The following GALNT17 variants were observed in gnomAD, a reference collection of about 807,000 sequenced individuals.
GALNT17 encodes the protein UDP-GalNAc:polypeptide N-acetylgalactosaminyltransferase-like 3.
Under a neutral mutation model 63.7 loss-of-function variants are expected in GALNT17, and 29 were observed. The ratio of observed to expected loss-of-function variants is 0.46; its 90% CI spans 0.34 to 0.62. The LOEUF is 0.62. Ranked by LOEUF, GALNT17 falls within the 20% of genes least tolerant of loss-of-function variation. GALNT17 has a pLI of 0.01. For missense variants in GALNT17, 603 were observed against 799.6 expected (o/e 0.75, Z 2.97); for synonymous variants, 305 against 318.3 (o/e 0.96, Z 0.45).
chr7:71,211,350 A>G (rs1369924446), intron 1 of GALNT17, among the ~76,000 whole-genome samples: 1 of 152,150 alleles, frequency 6.6e-6, no homozygotes. Context: ...GCTGCCATGT[A>G]AGATGCGGCA....
chr7:71,380,183 A>G (rs752040398), intron 2 of GALNT17, among the ~76,000 whole-genome samples: 5 of 152,166 alleles, frequency 3.3e-5, no homozygotes, highest in African/African-American at 4.8e-5. Flanking sequence ...GAGCAGTTTC[A>G]GCAAAATAGG....
chr7:71,626,697 G>T (rs1030060614), intron 6 of GALNT17, among the ~76,000 whole-genome samples: 2 of 152,198 alleles, frequency 1.3e-5, no homozygotes, highest in African/African-American at 4.8e-5. Context: ...TGTTATCCAA[G>T]GGGAGAGAAA....
At chr7:71,436,281 C>T (rs978835345) in intron 5 of GALNT17, among the ~76,000 whole-genome samples, 1 of 152,130 alleles carries the variant, frequency 6.6e-6, no homozygotes, top group Non-Finnish European at 1.5e-5. Context: ...TTGGAGGCTG[C>T]AGTGAGCTGT....
At chr7:71,382,479 A>G (rs1792864709) in intron 2 of GALNT17, among the ~76,000 whole-genome samples, 1 of 152,194 alleles carries the variant, frequency 6.6e-6, no homozygotes, top group Admixed American at 6.5e-5. Context: ...GAGAACTGGG[A>G]TGAAGAGAGA....
chr7:71,572,959 G>T (rs147632917), intron 6 of GALNT17, among the ~76,000 whole-genome samples: 32 of 152,102 alleles, frequency 2.1e-4, no homozygotes, highest in African/African-American at 6.5e-4. Flanking sequence ...GTGGGATCAT[G>T]TAGATTCTCC....
chr7:71,313,739 C>G (rs1791452457), intron 1 of GALNT17, among the ~76,000 whole-genome samples: 1 of 152,038 alleles, frequency 6.6e-6, no homozygotes, highest in Non-Finnish European at 1.5e-5. Flanking sequence ...CTCTGAGTTT[C>G]TCTCTATAAA....
intron 3 of GALNT17, among the ~76,000 whole-genome samples, chr7:71,394,746 C>T (rs1583915910): frequency 1.3e-5 from 2 of 152,210 alleles, no homozygotes; most frequent in South Asian, 4.2e-4. Context: ...TCATGCATAG[C>T]CATTCTTTAT....
chr7:71,578,786 G>A (rs1435553160), intron 6 of GALNT17, among the ~76,000 whole-genome samples: 2 of 151,978 alleles, frequency 1.3e-5, no homozygotes, highest in East Asian at 3.9e-4. Flanking sequence ...CTCTTGCAAG[G>A]CCTTCTGCCT....
intron 1 of GALNT17, among the ~76,000 whole-genome samples, chr7:71,191,303 A>T (rs1210251195): frequency 6.6e-6 from 1 of 151,890 alleles, no homozygotes; most frequent in Non-Finnish European, 1.5e-5. Context: ...AAATGAAATC[A>T]TGCATATATA....
intron 5 of GALNT17, among the ~76,000 whole-genome samples, chr7:71,509,059 C>T (rs971274767): frequency 6.6e-6 from 1 of 152,120 alleles, no homozygotes; most frequent in Non-Finnish European, 1.5e-5. Flanking sequence ...TACGATGGTT[C>T]GACTTAACGA....
At chr7:71,385,434 G>C (rs1403825693) in intron 2 of GALNT17, among the ~76,000 whole-genome samples, 1 of 152,202 alleles carries the variant, frequency 6.6e-6, no homozygotes. Flanking sequence ...GTGCACAGTG[G>C]CTGAAGTGCT....
In GALNT17 at chr7:71,712,621, A is replaced by C. The variant is rs1212769999; in HGVS notation, c.*475A>C. 1 of 157,122 alleles carries C rather than the reference A, an allele frequency of 6.4e-6. No homozygotes were observed. Among genetic ancestry groups the C allele is most frequent in the Non-Finnish European group, 1.4e-5 (1 of 71,604 alleles). The allele number at this position is 157,122 out of a possible 1,614,324, so 9.7% of individuals were successfully genotyped here. ...TAAAAGGAGGCAGTGAGGACCAGGC[A>C]CTATTTCCTCCGAGGTTACTTCTAC... On this transcript the variant is annotated 3_prime_UTR_variant, in exon 11 of 11. Transcript: ENST00000333538.
intron 6 of GALNT17, among the ~76,000 whole-genome samples, chr7:71,581,762 G>C (rs1331535310): frequency 6.6e-6 from 1 of 152,126 alleles, no homozygotes; most frequent in Non-Finnish European, 1.5e-5. Context: ...TTGTCAGTGG[G>C]GACATGAGTA....
intron 6 of GALNT17, among the ~76,000 whole-genome samples, chr7:71,650,752 T>C (rs1790742236): frequency 6.6e-6 from 1 of 152,208 alleles, no homozygotes; most frequent in African/African-American, 2.4e-5. Context: ...ATGGAGGACA[T>C]GCATGGATAA....
intron 1 of GALNT17, among the ~76,000 whole-genome samples, chr7:71,321,537 A>C (rs895987116): frequency 2.6e-5 from 4 of 152,180 alleles, no homozygotes; most frequent in African/African-American, 9.6e-5. Context: ...TGAAATACAG[A>C]GACCCTGTTC....
chr7:71,378,841 A>C (rs545066261), intron 2 of GALNT17, among the ~76,000 whole-genome samples: 89 of 151,992 alleles, frequency 5.9e-4, no homozygotes, highest in African/African-American at 2.0e-3. Context: ...TAAATAAATA[A>C]ATAAAAATAA....
chr7:71,492,414 C>G (rs1788026882), intron 5 of GALNT17, among the ~76,000 whole-genome samples: 1 of 152,194 alleles, frequency 6.6e-6, no homozygotes, highest in South Asian at 2.1e-4. Flanking sequence ...TGCTAGGAGC[C>G]TCTCACTTAC....
chr7:71,370,555 G>C (rs149439606), intron 2 of GALNT17, among the ~76,000 whole-genome samples: 4,751 of 152,008 alleles, frequency 0.031, 273 homozygotes, highest in African/African-American at 0.11. Flanking sequence ...TGTGATCTCG[G>C]CTCACTGCAA....
intron 6 of GALNT17, among the ~76,000 whole-genome samples, chr7:71,589,433 A>C (rs779606385): frequency 2.0e-5 from 3 of 152,126 alleles, no homozygotes; most frequent in Admixed American, 6.6e-5. Flanking sequence ...TTACCCAGGC[A>C]TGGTGGTGTG....
Sources: gnomAD v4.1 joint callset for allele counts (sites outside exome capture counted in the v4.1 genomes callset) on GRCh38, gnomAD v4.1.1 for gene constraint, MANE v1.5 for transcripts, NCBI Gene and HGNC (gene_info 2026-07-23, HGNC 2026-07-21) for gene names.